OR2T4: variants seen among roughly 807,000 people sequenced by gnomAD.
The protein encoded by OR2T4 is olfactory receptor 2T4.
For missense variants in OR2T4, 374 were observed against 395.6 expected, an observed-to-expected ratio of 0.95 and a Z score of 0.46; for synonymous variants, 149 against 145.6, an observed-to-expected ratio of 1.02 and a Z score of -0.17.
At position 248,362,277 on chromosome 1, in the gene OR2T4, T is replaced by G. The variant is rs201934329; in HGVS notation, c.613T>G (p.Leu205Val). Residue 205 changes from leucine to valine, a missense_variant, in exon 1 of 1, where the codon TTG (leucine) becomes GTG (valine). Transcript: ENST00000366473. The part of the protein sequence containing the change: ...DTSLYEIFMY[L>V]CCVLMLLIPV... ...CTCACTCTATGAGATTTTCATGTAC[T>G]TGTGCTGTGTCCTCATGCTCCTCAT... is the stretch of plus-strand genomic sequence containing the variant. The G allele has an allele frequency of 1.9e-6, 3 of 1,614,172 alleles. No individual in the cohort carries two copies. Among genetic ancestry groups the G allele is most frequent in the Non-Finnish European group, 8.5e-7 (1 of 1,179,994 alleles).
Position 248,361,968 on chromosome 1 carries a change from G to A in OR2T4, c.304G>A (p.Gly102Arg). The A allele has an allele frequency of 6.2e-7, 1 of 1,613,450 alleles. No homozygotes were observed. The change falls in exon 1 of 1, where the codon GGG becomes AGG. Residue 102 changes from glycine to arginine, a missense_variant. Transcript: ENST00000366473. ...GAATAAGATCTCAGCCCCTGAGTGTGGGATGCAGATGTTCTTCTACGTGAC... is the reference window on the plus strand; with the variant it reads ...GAATAAGATCTCAGCCCCTGAGTGTAGGATGCAGATGTTCTTCTACGTGAC... ...GVNKISAPECGMQMFFYVTLA... is the reference protein window; with the variant it reads ...GVNKISAPECRMQMFFYVTLA...
rs1314319203 is a variant in OR2T4 at position 248,362,378 on chromosome 1, G to A, written c.714G>A (p.Arg238=). 6.2e-7 allele frequency: 1 copy of A among 1,613,856 alleles called. No homozygotes were observed. Among genetic ancestry groups the A allele is most frequent in the South Asian group, 1.1e-5 (1 of 91,064 alleles). ...TIHGMNSAEG[R]KKAFATCSSH... is the part of the protein sequence containing the mutation. ...ACGGGATGAACTCAGCAGAGGGCCG[G>A]AAAAAGGCCTTTGCCACCTGCTCCT... Residue 238 remains arginine (R), a synonymous_variant, in exon 1 of 1, where the codon CGG becomes CGA. Coordinates refer to ENST00000366473, the MANE Select transcript of OR2T4 (RefSeq NM_001004696.2).
Position 248,361,924 on chromosome 1 carries a change from T to G in OR2T4, c.260T>G (p.Leu87Arg), listed in dbSNP as rs779963678. 12 of 1,614,032 alleles carry G rather than the reference T, an allele frequency of 7.4e-6. No homozygotes were observed. The Admixed American group carries it at 1.8e-4, about 25-fold the overall frequency. Residue 87 changes from leucine to arginine, a missense_variant, in exon 1 of 1, where the codon CTG becomes CGG. Transcript: ENST00000366473. The stretch of plus-strand genomic sequence containing the variant: ...TCTGTCACTGTGCCCAAGATGCTCC[T>G]GGACCAGGTCATGGGTGTGAATAAG... Reference protein sequence around the residue: ...YISVTVPKMLLDQVMGVNKIS... With the variant: ...YISVTVPKMLRDQVMGVNKIS...
chr1:248,362,549 T>C lies in OR2T4; in HGVS notation c.885T>C (p.Ser295=), dbSNP rs749306922. Residue 295 remains serine, a synonymous_variant, in exon 1 of 1, where the codon AGT becomes AGC. Coordinates refer to ENST00000366473, the MANE Select transcript of OR2T4 (RefSeq NM_001004696.2). ...LTPVVNPLIY[S]LRNKDVMGAL... ...CAGTGGTGAACCCTTTAATCTATAG[T>C]CTTAGGAATAAGGATGTCATGGGGG... The C allele has an allele frequency of 9.3e-6, 15 of 1,614,006 alleles. No individual in the cohort carries two copies. Among genetic ancestry groups the C allele is most frequent in the Non-Finnish European group, 1.3e-5 (15 of 1,180,022 alleles).
In OR2T4 at chr1:248,362,496, G is replaced by T. The variant is rs764330964; in HGVS notation, c.832G>T (p.Val278Leu). ...CCACACCCCTGAGAAGGACATGATG[G>T]TATCTGTCTTCTATACCATCCTCAC... ...SYHTPEKDMMVSVFYTILTPV... is the reference protein window; with the variant it reads ...SYHTPEKDMMLSVFYTILTPV... The change falls in exon 1 of 1, where the codon GTA becomes TTA. Residue 278 changes from valine to leucine, a missense_variant. Val to Leu is a conservative substitution (Grantham distance 32). Transcript: ENST00000366473. 3 of 1,614,132 alleles carry T rather than the reference G, an allele frequency of 1.9e-6. No individual in the cohort carries two copies. In the South Asian group the frequency reaches 3.3e-5, roughly 18 times the overall value.
rs112041618 is a variant in OR2T4 at position 248,362,137 on chromosome 1, T to G, written c.473T>G (p.Val158Gly). 1.7e-4 allele frequency: 271 copies of G among 1,614,208 alleles called. 8 individuals are homozygous for G. The African/African-American group carries it at 2.7e-3, about 16-fold the overall frequency. ...LSSGCWFLGS[V>G]DGFTFTPITM... ...TCAGGCTGCTGGTTCCTGGGCTCAG[T>G]GGATGGCTTCACATTCACTCCCATC... The change falls in exon 1 of 1, where the codon GTG (valine) becomes GGG (glycine). Residue 158 changes from valine (V) to glycine (G), a missense_variant. By Grantham distance (109) the Val-to-Gly change is moderately radical. Coordinates refer to ENST00000366473, the MANE Select transcript of OR2T4 (RefSeq NM_001004696.2).
At position 248,362,621 on chromosome 1, in the gene OR2T4, G is replaced by A. The variant is rs138713748; in HGVS notation, c.957G>A (p.Met319Ile). 459 of 1,613,550 alleles carry A rather than the reference G, an allele frequency of 2.8e-4. 1 individual carries two copies. The African/African-American group carries it at 5.3e-3, about 19-fold the overall frequency. Residue 319 changes from methionine to isoleucine, a missense_variant, in exon 1 of 1, where the codon ATG becomes ATA. By Grantham distance (10) the Met-to-Ile change is conservative (BLOSUM62 1). Coordinates refer to ENST00000366473, the MANE Select transcript of OR2T4 (RefSeq NM_001004696.2). Reference sequence around the variant, plus strand: ...TGGAACCTGCCTTTCAAAAAGCTATGGAGTAGACCATTTTGAGAGTAATTT... The same window carrying A: ...TGGAACCTGCCTTTCAAAAAGCTATAGAGTAGACCATTTTGAGAGTAATTT... ...LTVEPAFQKA[M>I]E
At position 248,361,911 on chromosome 1, in the gene OR2T4, C is replaced by A; in HGVS notation, c.247C>A (p.Pro83Thr). The A allele has an allele frequency of 6.2e-7, 1 of 1,614,096 alleles. No individual in the cohort carries two copies. The highest frequency in any genetic ancestry group is 8.5e-7 in the Non-Finnish European group (1 of 1,180,014). ...MDMAYISVTV[P>T]KMLLDQVMGV... is the part of the protein sequence containing the mutation. ...CATGGCGTACATTTCTGTCACTGTG[C>A]CCAAGATGCTCCTGGACCAGGTCAT... is the stretch of plus-strand genomic sequence containing the variant. The change falls in exon 1 of 1, where the codon CCC becomes ACC. Residue 83 changes from proline (P) to threonine (T), a missense_variant. Pro to Thr is a conservative substitution (Grantham distance 38). Coordinates refer to ENST00000366473, the MANE Select transcript of OR2T4 (RefSeq NM_001004696.2).
Position 248,362,443 on chromosome 1 carries a change from T to A in OR2T4, c.779T>A (p.Ile260Asn), listed in dbSNP as rs1422648184. 4 of 1,613,992 alleles carry A rather than the reference T, an allele frequency of 2.5e-6. No homozygotes were observed. Among genetic ancestry groups the A allele is most frequent in the African/African-American group, 2.7e-5 (2 of 74,898 alleles). ...GTCATCCTCTTCTATGGGGCTGCCA[T>A]CTACACCTACATGCTCCCCAGCTCC... ...TVVILFYGAA[I>N]YTYMLPSSYH... Residue 260 changes from isoleucine to asparagine, a missense_variant, in exon 1 of 1, where the codon ATC becomes AAC. Physicochemically the swap from Ile to Asn is moderately radical, Grantham distance 149. Coordinates refer to ENST00000366473, the MANE Select transcript of OR2T4 (RefSeq NM_001004696.2).
Position 248,362,455 on chromosome 1 carries a change from T to G in OR2T4, c.791T>G (p.Met264Arg), listed in dbSNP as rs770542808. Reference sequence around the variant, plus strand: ...TATGGGGCTGCCATCTACACCTACATGCTCCCCAGCTCCTACCACACCCCT... The same window carrying G: ...TATGGGGCTGCCATCTACACCTACAGGCTCCCCAGCTCCTACCACACCCCT... The part of the protein sequence containing the change: ...LFYGAAIYTY[M>R]LPSSYHTPEK... The change falls in exon 1 of 1, where the codon ATG (methionine) becomes AGG (arginine). Residue 264 changes from methionine (M) to arginine (R), a missense_variant. Transcript: ENST00000366473. 1.2e-6 allele frequency: 2 copies of G among 1,614,134 alleles called. No homozygotes were observed. The highest frequency in any genetic ancestry group is 1.7e-6 in the Non-Finnish European group (2 of 1,180,014).
chr1:248,361,672 A>G lies in OR2T4; in HGVS notation c.8A>G (p.Asn3Ser), dbSNP rs57795102. 31,023 of 1,242,734 alleles carry G rather than the reference A, an allele frequency of 0.025. 2,230 individuals are homozygous for G. Among genetic ancestry groups the G allele is most frequent in the African/African-American group, 0.22 (15,714 of 71,888 alleles). 77.0% of individuals were successfully genotyped at this position (1,242,734 alleles called of 1,614,324 possible). Residue 3 changes from asparagine to serine, a missense_variant, in exon 1 of 1, where the codon AAT (asparagine) becomes AGT (serine). Transcript: ENST00000366473. Reference sequence around the variant, plus strand: ...AGACAATCCAAACATCCAATGGCCAATATCACCTGGATGGCCAACCACACT... The same window carrying G: ...AGACAATCCAAACATCCAATGGCCAGTATCACCTGGATGGCCAACCACACT... MA[N>S]ITWMANHTGW... is the part of the protein sequence containing the mutation.
In OR2T4 at chr1:248,362,546, T is replaced by C. The variant is rs912953126; in HGVS notation, c.882T>C (p.Tyr294=). The C allele has an allele frequency of 3.1e-6, 5 of 1,614,142 alleles. No homozygotes were observed. The highest frequency in any genetic ancestry group is 4.5e-5 in the East Asian group (2 of 44,872). ...CTCCAGTGGTGAACCCTTTAATCTATAGTCTTAGGAATAAGGATGTCATGG... is the reference window on the plus strand; with the variant it reads ...CTCCAGTGGTGAACCCTTTAATCTACAGTCTTAGGAATAAGGATGTCATGG... ...ILTPVVNPLI[Y]SLRNKDVMGA... The change falls in exon 1 of 1, where the codon TAT becomes TAC. Residue 294 remains tyrosine (Y), a synonymous_variant. Transcript: ENST00000366473.
Position 248,361,922 on chromosome 1 carries a change from C to T in OR2T4, c.258C>T (p.Leu86=), listed in dbSNP as rs758314191. The change falls in exon 1 of 1, where the codon CTC becomes CTT. Residue 86 remains leucine, a synonymous_variant. Transcript: ENST00000366473. ...AYISVTVPKM[L]LDQVMGVNKI... ...TTTCTGTCACTGTGCCCAAGATGCT[C>T]CTGGACCAGGTCATGGGTGTGAATA... 3 of 1,613,994 alleles carry T rather than the reference C, an allele frequency of 1.9e-6. No individual in the cohort carries two copies. Among genetic ancestry groups the T allele is most frequent in the East Asian group, 2.2e-5 (1 of 44,888 alleles).
rs1660716742 is a variant in OR2T4, at chr1:248,362,436, G to A, written c.772G>A (p.Ala258Thr). 1 of 1,613,754 alleles carries A rather than the reference G, an allele frequency of 6.2e-7. No individual in the cohort carries two copies. The highest frequency in any genetic ancestry group is 1.7e-5 in the Admixed American group (1 of 59,986). Residue 258 changes from alanine to threonine, a missense_variant, in exon 1 of 1, where the codon GCT (alanine) becomes ACT (threonine). By Grantham distance (58) the Ala-to-Thr change is moderately conservative. Transcript: ENST00000366473. ...HLTVVILFYG[A>T]AIYTYMLPSS... ...GACTGTGGTCATCCTCTTCTATGGG[G>A]CTGCCATCTACACCTACATGCTCCC...
Position 248,361,914 on chromosome 1 carries a change from A to G in OR2T4, c.250A>G (p.Lys84Glu). ...GGCGTACATTTCTGTCACTGTGCCCAAGATGCTCCTGGACCAGGTCATGGG... is the reference window on the plus strand; with the variant it reads ...GGCGTACATTTCTGTCACTGTGCCCGAGATGCTCCTGGACCAGGTCATGGG... Reference protein sequence around the residue: ...DMAYISVTVPKMLLDQVMGVN... With the variant: ...DMAYISVTVPEMLLDQVMGVN... Residue 84 changes from lysine to glutamate, a missense_variant, in exon 1 of 1, where the codon AAG (lysine) becomes GAG (glutamate). By Grantham distance (56) the Lys-to-Glu change is moderately conservative (BLOSUM62 1). Transcript: ENST00000366473. The G allele has an allele frequency of 6.2e-7, 1 of 1,614,104 alleles. No individual in the cohort carries two copies. Among genetic ancestry groups the G allele is most frequent in the South Asian group, 1.1e-5 (1 of 91,060 alleles).
At position 248,362,155 on chromosome 1, in the gene OR2T4, C is replaced by T. The variant is rs769947347; in HGVS notation, c.491C>T (p.Thr164Ile). ...GGCTCAGTGGATGGCTTCACATTCA[C>T]TCCCATCACCATGACCTTCCCCTTC... ...FLGSVDGFTF[T>I]PITMTFPFRG... The change falls in exon 1 of 1, where the codon ACT becomes ATT. Residue 164 changes from threonine to isoleucine, a missense_variant. Coordinates refer to ENST00000366473, the MANE Select transcript of OR2T4 (RefSeq NM_001004696.2). The T allele has an allele frequency of 2.5e-6, 4 of 1,614,196 alleles. No individual in the cohort carries two copies. Among genetic ancestry groups the T allele is most frequent in the Non-Finnish European group, 3.4e-6 (4 of 1,180,034 alleles).
Position 248,361,948 on chromosome 1 carries a change from A to C in OR2T4, c.284A>C (p.Lys95Thr). Residue 95 changes from lysine (K) to threonine (T), a missense_variant, in exon 1 of 1, where the codon AAG becomes ACG. Coordinates refer to ENST00000366473, the MANE Select transcript of OR2T4 (RefSeq NM_001004696.2). ...CTGGACCAGGTCATGGGTGTGAATA[A>C]GATCTCAGCCCCTGAGTGTGGGATG... ...MLLDQVMGVN[K>T]ISAPECGMQM... The C allele has an allele frequency of 6.2e-7, 1 of 1,614,022 alleles. No homozygotes were observed. Among genetic ancestry groups the C allele is most frequent in the Non-Finnish European group, 8.5e-7 (1 of 1,179,990 alleles).
chr1:248,362,361 A>G lies in OR2T4; in HGVS notation c.697A>G (p.Asn233Asp). 2 of 1,614,048 alleles carry G rather than the reference A, an allele frequency of 1.2e-6. No homozygotes were observed. The highest frequency in any genetic ancestry group is 1.7e-6 in the Non-Finnish European group (2 of 1,179,952). The change falls in exon 1 of 1, where the codon AAC becomes GAC. Residue 233 changes from asparagine (N) to aspartate (D), a missense_variant. Coordinates refer to ENST00000366473, the MANE Select transcript of OR2T4 (RefSeq NM_001004696.2). ...CATCCTCCTCACCATCCACGGGATG[A>G]ACTCAGCAGAGGGCCGGAAAAAGGC... ...LLILLTIHGM[N>D]SAEGRKKAFA...
In OR2T4 at chr1:248,362,363, C is replaced by G. The variant is rs1430765790; in HGVS notation, c.699C>G (p.Asn233Lys). Residue 233 changes from asparagine to lysine, a missense_variant, in exon 1 of 1, where the codon AAC becomes AAG. By Grantham distance (94) the Asn-to-Lys change is moderately conservative. Coordinates refer to ENST00000366473, the MANE Select transcript of OR2T4 (RefSeq NM_001004696.2). The part of the protein sequence containing the change: ...LLILLTIHGM[N>K]SAEGRKKAFA... ...TCCTCCTCACCATCCACGGGATGAACTCAGCAGAGGGCCGGAAAAAGGCCT... is the reference window on the plus strand; with the variant it reads ...TCCTCCTCACCATCCACGGGATGAAGTCAGCAGAGGGCCGGAAAAAGGCCT... 12 of 1,614,060 alleles carry G rather than the reference C, an allele frequency of 7.4e-6. No individual in the cohort carries two copies. The highest frequency in any genetic ancestry group is 2.2e-5 in the South Asian group (2 of 91,082).
Sources: allele counts gnomAD v4.1 joint callset, GRCh38; gene constraint gnomAD v4.1.1; transcripts MANE v1.5; gene names NCBI Gene and HGNC (gene_info 2026-07-23, HGNC 2026-07-21).